Variants in CACNA2D3 observed in about 807,000 individuals in gnomAD.
The protein encoded by CACNA2D3 is voltage-dependent calcium channel subunit alpha-2/delta-3.
Under a neutral mutation model 160.6 loss-of-function variants are expected in CACNA2D3, and 60 were observed. The observed-to-expected ratio is 0.37, with a 90% CI of 0.30 to 0.46. The LOEUF (loss-of-function observed/expected upper bound fraction) is 0.46. CACNA2D3 is among the 20% of genes least tolerant of loss of function. The pLI is 1.00. For missense variants in CACNA2D3, 1,205 were observed against 1,365.0 expected, an observed-to-expected ratio of 0.88 and a Z score of 1.85; for synonymous variants, 558 against 492.9, an observed-to-expected ratio of 1.13 and a Z score of -1.75.
At chr3:54,253,531 A>G (rs1435398161) in intron 2 of CACNA2D3, among the ~76,000 whole-genome samples, 1 of 152,048 alleles carries the variant, frequency 6.6e-6, no homozygotes, top group Non-Finnish European at 1.5e-5. Context: ...ATGGTACTAA[A>G]CCATTCATGA....
chr3:54,198,676 A>G (rs757640738), intron 2 of CACNA2D3, among the ~76,000 whole-genome samples: 8 of 152,238 alleles, frequency 5.3e-5, no homozygotes, highest in Non-Finnish European at 1.2e-4. Flanking sequence ...GTGGGATTCA[A>G]GGTTTCATAT....
chr3:55,057,086 A>T (rs1446673982), intron 35 of CACNA2D3, among the ~76,000 whole-genome samples: 3 of 152,046 alleles, frequency 2.0e-5, no homozygotes, highest in Non-Finnish European at 4.4e-5. Flanking sequence ...GGTGGGAGGT[A>T]ATTGAATCAT....
At position 54,370,160 on chromosome 3, in the gene CACNA2D3, G is replaced by A. The variant is rs372528505; in HGVS notation, c.322-16555G>A. ...AAATCTATGATCTTTTTCTCCATTT[G>A]GTATTTATTTACCCTAGAAGTGAGA... On this transcript the variant is annotated intron_variant, in intron 3 of 37. Transcript: ENST00000474759. 3.9e-5 allele frequency among the ~76,000 whole-genome samples: 6 copies of A among 152,122 alleles called. No individual in the cohort carries two copies. In the East Asian group the frequency reaches 9.7e-4, roughly 24 times the overall value.
At chr3:54,487,533 C>A (rs1701034355) in intron 4 of CACNA2D3, among the ~76,000 whole-genome samples, 1 of 152,198 alleles carries the variant, frequency 6.6e-6, no homozygotes, top group South Asian at 2.1e-4. Flanking sequence ...GTTTTTGACA[C>A]AAGCCTACTT....
intron 4 of CACNA2D3, among the ~76,000 whole-genome samples, chr3:54,493,619 C>A (rs951509481): frequency 1.3e-5 from 2 of 152,174 alleles, no homozygotes; most frequent in African/African-American, 4.8e-5. Flanking sequence ...TATCTTGGCA[C>A]GTCCTAATCC....
In CACNA2D3 at chr3:54,500,721, A is replaced by G. The variant is rs182889937; in HGVS notation, c.382-2771A>G. On this transcript the variant is annotated intron_variant, in intron 4 of 37. Transcript: ENST00000474759. Reference sequence around the variant, plus strand: ...TAGCATATAAATTATGCTTCCTTTTACAGTTATTTTAGTAGTTGCCTTAAA... The same window carrying G: ...TAGCATATAAATTATGCTTCCTTTTGCAGTTATTTTAGTAGTTGCCTTAAA... Among the ~76,000 whole-genome samples the G allele has an allele frequency of 1.9e-3, 281 of 151,434 alleles. 2 individuals carry two copies. In the Middle Eastern group the frequency reaches 0.024, roughly 13 times the overall value.
At chr3:54,594,311 A>G (rs1180099147) in intron 9 of CACNA2D3, among the ~76,000 whole-genome samples, 1 of 152,230 alleles carries the variant, frequency 6.6e-6, no homozygotes, top group Non-Finnish European at 1.5e-5. Context: ...GGGCATGGTT[A>G]TGTTCCAATA....
chr3:54,958,991 C>T (rs1701968995), intron 27 of CACNA2D3, among the ~76,000 whole-genome samples: 1 of 152,202 alleles, frequency 6.6e-6, no homozygotes, highest in Admixed American at 6.5e-5. Flanking sequence ...GTCCTAGCTA[C>T]TCGGGAGACT....
chr3:54,732,463 C>G (rs1208723721), intron 11 of CACNA2D3, among the ~76,000 whole-genome samples: 1 of 152,118 alleles, frequency 6.6e-6, no homozygotes, highest in Non-Finnish European at 1.5e-5. Context: ...AGCTTTTGAA[C>G]TCTGGGTTAA....
chr3:54,239,163 C>G (rs1701934276), intron 2 of CACNA2D3, among the ~76,000 whole-genome samples: 1 of 152,194 alleles, frequency 6.6e-6, no homozygotes, highest in South Asian at 2.1e-4. Context: ...AGTCCCAGCT[C>G]TGGGGTAGGA....
chr3:54,373,839 C>A (rs149678711), intron 3 of CACNA2D3, among the ~76,000 whole-genome samples: 1 of 152,236 alleles, frequency 6.6e-6, no homozygotes, highest in East Asian at 1.9e-4. Flanking sequence ...ATCTTAAAGC[C>A]TTCTTTCACC....
chr3:54,925,216 C>T (rs368496593), intron 27 of CACNA2D3: 5 of 1,604,868 alleles, frequency 3.1e-6, no homozygotes, highest in Non-Finnish European at 4.3e-6. Context: ...AGCAGTTCAC[C>T]TACAACAAAC....
At chr3:54,781,571 A>G (rs1046821402) in intron 13 of CACNA2D3, among the ~76,000 whole-genome samples, 3 of 152,218 alleles carry the variant, frequency 2.0e-5, no homozygotes, top group South Asian at 2.1e-4. Context: ...ATGCTGGCCA[A>G]TGGGATAAGT....
intron 9 of CACNA2D3, among the ~76,000 whole-genome samples, chr3:54,587,582 A>C (rs1702784984): frequency 6.6e-6 from 1 of 152,146 alleles, no homozygotes; most frequent in Admixed American, 6.6e-5. Context: ...AAAATTTAAA[A>C]AAATAAAAAG....
At chr3:54,194,678 C>A (rs1576991346) in intron 2 of CACNA2D3, among the ~76,000 whole-genome samples, 1 of 152,322 alleles carries the variant, frequency 6.6e-6, no homozygotes. Flanking sequence ...AAGGCACTGG[C>A]AGGTTTGGTT....
At chr3:54,786,298 A>G (rs1702640300) in intron 13 of CACNA2D3, among the ~76,000 whole-genome samples, 1 of 152,218 alleles carries the variant, frequency 6.6e-6, no homozygotes, top group Non-Finnish European at 1.5e-5. Context: ...AGTACCTAAC[A>G]CAGTACCATA....
At chr3:54,405,877 C>G (rs938586925) in intron 4 of CACNA2D3, among the ~76,000 whole-genome samples, 1 of 151,154 alleles carries the variant, frequency 6.6e-6, no homozygotes, top group Non-Finnish European at 1.5e-5. Context: ...ACCCAATTAG[C>G]AATGTGCAAA....
At chr3:54,542,225 C>T (rs1315907411) in intron 5 of CACNA2D3, among the ~76,000 whole-genome samples, 1 of 151,934 alleles carries the variant, frequency 6.6e-6, no homozygotes, top group African/African-American at 2.4e-5. Context: ...CCACGCCCAG[C>T]TCATTTTTAT....
chr3:54,609,810 A>G (rs1311102847), intron 9 of CACNA2D3, among the ~76,000 whole-genome samples: 2 of 152,222 alleles, frequency 1.3e-5, no homozygotes, highest in Non-Finnish European at 2.9e-5. Flanking sequence ...CATTTAATCA[A>G]GTAAGTTTTG....
Sources: allele counts gnomAD v4.1 joint callset (sites outside exome capture counted in the v4.1 genomes callset), GRCh38; gene constraint gnomAD v4.1.1; transcripts MANE v1.5; gene names NCBI Gene and HGNC (gene_info 2026-07-23, HGNC 2026-07-21).